TNIK: variants seen among roughly 807,000 people sequenced by gnomAD.
TNIK encodes the protein TRAF2 and NCK-interacting protein kinase.
Under a neutral mutation model 191.3 loss-of-function variants are expected in TNIK, and 49 were observed. The observed-to-expected ratio is 0.26, with a 90% CI of 0.20 to 0.32. TNIK has a LOEUF of 0.32. Among genes scored for constraint, TNIK ranks in the 10% least tolerant of loss-of-function variants. The pLI is 1.00. For synonymous variants in TNIK, 594 were observed against 600.9 expected, an observed-to-expected ratio of 0.99 and a Z score of 0.17; for missense variants, 1,155 against 1,702.3, an observed-to-expected ratio of 0.68 and a Z score of 5.66.
chr3:171,306,193 C>T (rs923355018), intron 2 of TNIK, among the ~76,000 whole-genome samples: 1 of 151,966 alleles, frequency 6.6e-6, no homozygotes. Context: ...AGGGGAACAA[C>T]ACACATTAGG....
rs919939893 is a variant in TNIK at position 171,074,485 on chromosome 3, A to G, written c.3449-3162T>C. On this transcript the variant is annotated intron_variant, in intron 28 of 32. Coordinates refer to ENST00000436636, the MANE Select transcript of TNIK (RefSeq NM_015028.4). Reference sequence around the variant, plus strand: ...CAATATACCCATGAAACAAACCTGCATATGTACCCCCTGGATCTAAAATAA... The same window carrying G: ...CAATATACCCATGAAACAAACCTGCGTATGTACCCCCTGGATCTAAAATAA... Among the ~76,000 whole-genome samples the G allele has an allele frequency of 4.6e-5, 7 of 152,280 alleles. No individual in the cohort carries two copies. In the South Asian group the frequency reaches 8.3e-4, roughly 18 times the overall value.
chr3:171,232,117 C>T (rs916873879), intron 2 of TNIK, among the ~76,000 whole-genome samples: 1 of 151,874 alleles, frequency 6.6e-6, no homozygotes, highest in African/African-American at 2.4e-5. Flanking sequence ...TAACAGTACC[C>T]CAATTCTAAT....
intron 1 of TNIK, among the ~76,000 whole-genome samples, chr3:171,430,647 C>CAAAAAAA (rs34307433): frequency 4.4e-5 from 5 of 113,922 alleles, no homozygotes; most frequent in Non-Finnish European, 7.1e-5. Context: ...AAAAAACAGA[C>CAAAAAAA]AAAAAAAAAA....
intron 2 of TNIK, among the ~76,000 whole-genome samples, chr3:171,357,661 C>G (rs1366537062): frequency 1.3e-5 from 2 of 150,742 alleles, no homozygotes; most frequent in Non-Finnish European, 2.9e-5. Context: ...GACAGCCAGA[C>G]AGAGGATTAC....
chr3:171,385,942 CT>C (rs1232964936), intron 1 of TNIK, among the ~76,000 whole-genome samples: 1 of 152,106 alleles, frequency 6.6e-6, no homozygotes, highest in Non-Finnish European at 1.5e-5. Flanking sequence ...GAACAAAATG[CT>C]GTTTGAGGCC....
At chr3:171,309,570 G>A (rs981549812) in intron 2 of TNIK, among the ~76,000 whole-genome samples, 3 of 152,042 alleles carry the variant, frequency 2.0e-5, no homozygotes, top group African/African-American at 7.2e-5. Context: ...TTAAAAAAAT[G>A]CTTCATTATA....
chr3:171,442,060 T>G (rs1159089607), intron 1 of TNIK, among the ~76,000 whole-genome samples: 1 of 152,204 alleles, frequency 6.6e-6, no homozygotes, highest in Non-Finnish European at 1.5e-5. Context: ...CCAGAATATT[T>G]GTCAAAGGGG....
intron 1 of TNIK, among the ~76,000 whole-genome samples, chr3:171,446,005 T>C (rs777028800): frequency 6.6e-6 from 1 of 152,186 alleles, no homozygotes; most frequent in Admixed American, 6.5e-5. Flanking sequence ...TGATAAGTTA[T>C]CAAGCAGAGT....
intron 9 of TNIK, among the ~76,000 whole-genome samples, chr3:171,172,041 T>C (rs955973437): frequency 6.6e-6 from 1 of 151,540 alleles, no homozygotes; most frequent in African/African-American, 2.4e-5. Flanking sequence ...AGAACTGGGC[T>C]CCTGTGAGTG....
intron 2 of TNIK, among the ~76,000 whole-genome samples, chr3:171,263,822 C>G (rs1043286341): frequency 1.3e-4 from 20 of 151,824 alleles, no homozygotes; most frequent in African/African-American, 4.8e-4. Context: ...CCTATGGAAG[C>G]AACCCTTAAA....
chr3:171,408,410 G>A (rs1173618584), intron 1 of TNIK, among the ~76,000 whole-genome samples: 1 of 152,130 alleles, frequency 6.6e-6, no homozygotes, highest in African/African-American at 2.4e-5. Flanking sequence ...CAGGAGCCAG[G>A]GCCTAGACTT....
chr3:171,093,572 G>T (rs1311704429), intron 23 of TNIK, among the ~76,000 whole-genome samples: 1 of 152,080 alleles, frequency 6.6e-6, no homozygotes, highest in Non-Finnish European at 1.5e-5. Context: ...TATATCCTCA[G>T]GCCCAAATTC....
intron 3 of TNIK, among the ~76,000 whole-genome samples, chr3:171,221,833 T>C (rs1742379476): frequency 6.6e-6 from 1 of 152,126 alleles, no homozygotes; most frequent in Non-Finnish European, 1.5e-5. Context: ...GCAAACTATT[T>C]ACCCATATCA....
chr3:171,101,401 G>A, intron 22 of TNIK, 48 bp downstream of exon 22: 1 of 1,528,016 alleles, frequency 6.5e-7, no homozygotes. Context: ...CTTTTATTTT[G>A]GAAACCTAGT....
intron 2 of TNIK, among the ~76,000 whole-genome samples, chr3:171,319,675 G>A (rs1754984247): frequency 6.6e-6 from 1 of 152,158 alleles, no homozygotes; most frequent in Admixed American, 6.5e-5. Context: ...AGAGAATCAA[G>A]TTTGTTAAAA....
chr3:171,084,423 A>G (rs1350584963), intron 25 of TNIK, 98 bp from the exon 26 acceptor site: 2 of 1,404,322 alleles, frequency 1.4e-6, no homozygotes, highest in South Asian at 1.5e-5. Context: ...TTTGGTTTGA[A>G]TTATAGTAAA....
chr3:171,190,572 C>T, intron 6 of TNIK, 125 bp downstream of exon 6: 2 of 683,206 alleles, frequency 2.9e-6, no homozygotes, highest in Non-Finnish European at 4.7e-6. Context: ...GAAACATTTT[C>T]CTTTCCATTT....
chr3:171,258,485 T>C (rs1747169778), intron 2 of TNIK, among the ~76,000 whole-genome samples: 1 of 152,158 alleles, frequency 6.6e-6, no homozygotes, highest in Admixed American at 6.5e-5. Flanking sequence ...CTTTTTCCAA[T>C]GCCCCATGTC....
chr3:171,209,609 C>T (rs1300485272), intron 4 of TNIK, among the ~76,000 whole-genome samples: 1 of 152,042 alleles, frequency 6.6e-6, no homozygotes, highest in Non-Finnish European at 1.5e-5. Context: ...GTTGAATCTT[C>T]ATATTTACAT....
Sources: gnomAD v4.1 joint callset for allele counts (sites outside exome capture counted in the v4.1 genomes callset) on GRCh38, gnomAD v4.1.1 for gene constraint, MANE v1.5 for transcripts, NCBI Gene and HGNC (gene_info 2026-07-23, HGNC 2026-07-21) for gene names.